The following ZBTB7A variants were observed in gnomAD, a reference collection of about 807,000 sequenced individuals.
ZBTB7A encodes the protein zinc finger and BTB domain containing 7A.
A neutral mutation model predicts 26.7 loss-of-function variants in ZBTB7A; 7 were observed. That is an observed-to-expected ratio of 0.26 (90% CI 0.15 to 0.49). The LOEUF is 0.49. ZBTB7A is among the 20% of genes least tolerant of loss of function. The pLI, the probability that ZBTB7A is intolerant of heterozygous loss-of-function variation, is 0.98. For synonymous variants in ZBTB7A, 452 were observed against 441.0 expected, an observed-to-expected ratio of 1.02 and a Z score of -0.31; for missense variants, 617 against 919.5, an observed-to-expected ratio of 0.67 and a Z score of 4.25.
At position 4,054,247 on chromosome 19, in the gene ZBTB7A, C is replaced by T. The variant is rs767359119; in HGVS notation, c.986G>A (p.Arg329Gln). The change falls in exon 2 of 3, where the codon CGG (arginine) becomes CAG (glutamine). Residue 329 changes from arginine (R) to glutamine (Q), a missense_variant. By Grantham distance (43) the Arg-to-Gln change is conservative (BLOSUM62 1). Around this residue, in one of 5 missense-constraint regions of ZBTB7A, gnomAD observed 331 missense variants for 391.3 expected, o/e 0.85. Coordinates refer to ENST00000322357, the MANE Select transcript of ZBTB7A (RefSeq NM_015898.4). ...GCTGTCCCCCGCCGCGGCCCCCGCC[C>T]GGCCCACCGATGACATCATCTGCTG... ...LLQQMMSSVG[R>Q]AGAAAGDSDE... is the part of the protein sequence containing the mutation. 8 of 1,577,810 alleles carry T rather than the reference C, an allele frequency of 5.1e-6. No homozygotes were observed. The highest frequency in any genetic ancestry group is 2.3e-5 in the East Asian group (1 of 44,160).
intron 2 of ZBTB7A, among the ~76,000 whole-genome samples, chr19:4,051,096 CAAAAAAA>C (rs71166952): frequency 1.6e-4 from 7 of 42,426 alleles, no homozygotes; most frequent in Admixed American, 4.1e-4. Flanking sequence ...AGACTCGTCT[CAAAAAAA>C]AAAAAAAAAA....
intron 1 of ZBTB7A, chr19:4,062,828 A>C (rs1274429615): frequency 6.6e-6 from 1 of 152,348 alleles, no homozygotes; most frequent in African/African-American, 2.4e-5. Context: ...GACACAGTGC[A>C]CAGTAGTCGC....
intron 2 of ZBTB7A, among the ~76,000 whole-genome samples, chr19:4,053,484 CATCT>C (rs1349032316): frequency 8.0e-4 from 114 of 142,852 alleles, no homozygotes; most frequent in African/African-American, 2.5e-3. Context: ...GGTGCGTGTG[CATCT>C]GTGTGCGTGC....
chr19:4,054,388 G>T lies in ZBTB7A; in HGVS notation c.845C>A (p.Ser282Ter), dbSNP rs924784188. Residue 282 changes from serine (S) to a stop codon, truncating the protein, a stop_gained, in exon 2 of 3, where the codon TCG becomes TAG. Transcript: ENST00000322357. LOFTEE classifies it high-confidence loss of function. The part of the protein sequence containing the change: ...YGRGGEEEAA[S>*]LSEAAPEPGD... ...CGGCTCGGGGGCCGCCTCCGACAGCGAGGCGGCCTCCTCCTCTCCGCCGCG... is the reference window on the plus strand; with the variant it reads ...CGGCTCGGGGGCCGCCTCCGACAGCTAGGCGGCCTCCTCCTCTCCGCCGCG... 2 of 1,417,922 alleles carry T rather than the reference G, an allele frequency of 1.4e-6. No individual in the cohort carries two copies. Among genetic ancestry groups the T allele is most frequent in the Admixed American group, 3.5e-5 (1 of 28,906 alleles). The allele number at this position is 1,417,922 out of a possible 1,614,324, so 87.8% of individuals were successfully genotyped here.
intron 1 of ZBTB7A, among the ~76,000 whole-genome samples, chr19:4,064,895 C>T (rs2040676126): frequency 6.6e-6 from 1 of 152,024 alleles, no homozygotes; most frequent in Non-Finnish European, 1.5e-5. Context: ...GTGTCCGGGC[C>T]CGGGTGGACA....
At position 4,054,989 on chromosome 19, in the gene ZBTB7A, C is replaced by T; in HGVS notation, c.244G>A (p.Ala82Thr). 1 of 1,611,896 alleles carries T rather than the reference C, an allele frequency of 6.2e-7. No individual in the cohort carries two copies. Among genetic ancestry groups the T allele is most frequent in the African/African-American group, 1.3e-5 (1 of 75,018 alleles). ...TCCATGAGCGCGGTGAGCGCCTCGG[C>T]GCTGACGAAGTCGATCTCGTACACG... is the stretch of plus-strand genomic sequence containing the variant. ...QNVYEIDFVS[A>T]EALTALMDFA... is the part of the protein sequence containing the mutation. Residue 82 changes from alanine (A) to threonine (T), a missense_variant, in exon 2 of 3, where the codon GCC becomes ACC. By Grantham distance (58) the Ala-to-Thr change is moderately conservative (BLOSUM62 0). Coordinates refer to ENST00000322357, the MANE Select transcript of ZBTB7A (RefSeq NM_015898.4).
At position 4,044,706 on chromosome 19, in the gene ZBTB7A, C is replaced by A. The variant is rs1599242904; in HGVS notation, c.*3046G>T. 1 of 136,006 alleles carries A rather than the reference C, an allele frequency of 7.4e-6. No individual in the cohort carries two copies. The highest frequency in any genetic ancestry group is 1.6e-5 in the Non-Finnish European group (1 of 64,066). 8.4% of individuals were successfully genotyped at this position (136,006 alleles called of 1,614,324 possible). ...TTTCTCTTTTTTTTTTTGTACCAGG[C>A]AGTTAAAAAAAAAACACCCCAAAAA... On this transcript the variant is annotated 3_prime_UTR_variant, in exon 3 of 3. Coordinates refer to ENST00000322357, the MANE Select transcript of ZBTB7A (RefSeq NM_015898.4).
Position 4,054,218 on chromosome 19 carries a change from C to T in ZBTB7A, c.1015G>A (p.Glu339Lys). ...CCCTTGTCGTCGGCCCGCGACTCCT[C>T]GTCGCTGTCCCCCGCCGCGGCCCCC... is the stretch of plus-strand genomic sequence containing the variant. The part of the protein sequence containing the change: ...RAGAAAGDSD[E>K]ESRADDKGVM... The change falls in exon 2 of 3, where the codon GAG (glutamate) becomes AAG (lysine). Residue 339 changes from glutamate (E) to lysine (K), a missense_variant. Coordinates refer to ENST00000322357, the MANE Select transcript of ZBTB7A (RefSeq NM_015898.4). 2 of 1,585,978 alleles carry T rather than the reference C, an allele frequency of 1.3e-6. No homozygotes were observed. The highest frequency in any genetic ancestry group is 1.7e-6 in the Non-Finnish European group (2 of 1,172,288).
chr19:4,047,943 C>G lies in ZBTB7A; in HGVS notation c.1564G>C (p.Ala522Pro). ...CGGGCGTCGGGGGAGCTGGGCTGGGCGGGGGCGCCGGGGGTCGCGGTGGCC... is the reference window on the plus strand; with the variant it reads ...CGGGCGTCGGGGGAGCTGGGCTGGGGGGGGGCGCCGGGGGTCGCGGTGGCC... The part of the protein sequence containing the change: ...PGATATPGAP[A>P]QPSSPDARRN... Residue 522 changes from alanine (A) to proline (P), a missense_variant, in exon 3 of 3, where the codon GCC becomes CCC. By Grantham distance (27) the Ala-to-Pro change is conservative. Around this residue, in one of 5 missense-constraint regions of ZBTB7A, gnomAD observed 136 missense variants for 126.6 expected, o/e 1.07. Transcript: ENST00000322357. 7.9e-7 allele frequency: 1 copy of G among 1,258,094 alleles called. No individual in the cohort carries two copies. The highest frequency in any genetic ancestry group is 1.0e-6 in the Non-Finnish European group (1 of 967,306). 77.9% of individuals were successfully genotyped at this position (1,258,094 alleles called of 1,614,324 possible). A position where few individuals can be genotyped will look rare whatever the true frequency, so the allele number is the denominator to read the frequency against.
intron 1 of ZBTB7A, among the ~76,000 whole-genome samples, chr19:4,058,394 G>C (rs778176668): frequency 3.3e-4 from 50 of 152,182 alleles, no homozygotes; most frequent in Non-Finnish European, 6.6e-4. Context: ...TTCGGGCAGC[G>C]CCGGGCCCTG....
At position 4,058,596 on chromosome 19, in the gene ZBTB7A, G is replaced by C. The variant is rs542698917; in HGVS notation, c.-15-3349C>G. ...TCACATTCCTCCAGGCCGGCCGGTGGCTCTCGGGCCAGAGCCCCTGGGCAA... is the reference window on the plus strand; with the variant it reads ...TCACATTCCTCCAGGCCGGCCGGTGCCTCTCGGGCCAGAGCCCCTGGGCAA... On this transcript the variant is annotated intron_variant, in intron 1 of 2. Coordinates refer to ENST00000322357, the MANE Select transcript of ZBTB7A (RefSeq NM_015898.4). 1.2e-3 allele frequency among the ~76,000 whole-genome samples: 188 copies of C among 152,278 alleles called. 1 individual carries two copies. The highest frequency in any genetic ancestry group is 0.011 in the Admixed American group (161 of 15,308).
At chr19:4,058,388 G>A (rs925359463) in intron 1 of ZBTB7A, among the ~76,000 whole-genome samples, 1 of 152,216 alleles carries the variant, frequency 6.6e-6, no homozygotes, top group Non-Finnish European at 1.5e-5. Context: ...AGAGGTTTCG[G>A]GCAGCGCCGG....
chr19:4,050,057 G>A (rs2040483083), intron 2 of ZBTB7A, among the ~76,000 whole-genome samples: 1 of 152,122 alleles, frequency 6.6e-6, no homozygotes, highest in Non-Finnish European at 1.5e-5. Context: ...CCAAGTAGCT[G>A]GGATTACAGG....
At chr19:4,058,612 C>A (rs938935371) in intron 1 of ZBTB7A, among the ~76,000 whole-genome samples, 4 of 152,186 alleles carry the variant, frequency 2.6e-5, no homozygotes, top group Non-Finnish European at 5.9e-5. Flanking sequence ...GGGCCAGAGC[C>A]CCTGGGCAAG....
At position 4,047,672 on chromosome 19, in the gene ZBTB7A, T is replaced by G; in HGVS notation, c.*80A>C. The G allele has an allele frequency of 4.7e-6, 7 of 1,480,640 alleles. No individual in the cohort carries two copies. The highest frequency in any genetic ancestry group is 4.9e-5 in the East Asian group (2 of 40,468). 91.7% of individuals were successfully genotyped at this position (1,480,640 alleles called of 1,614,324 possible). A position where few individuals can be genotyped will look rare whatever the true frequency, so the allele number is the denominator to read the frequency against. On this transcript the variant is annotated 3_prime_UTR_variant, in exon 3 of 3. Transcript: ENST00000322357. ...ATAGATAGATTTTCTTTTTTTGTGT[T>G]TTTGGGGGGGTGGTGGGTGATTTTT...
At chr19:4,056,782 G>A (rs980544857) in intron 1 of ZBTB7A, among the ~76,000 whole-genome samples, 23 of 152,026 alleles carry the variant, frequency 1.5e-4, no homozygotes, top group African/African-American at 4.8e-4. Context: ...CGGGAGAATC[G>A]CTTGAACCTG....
Position 4,054,302 on chromosome 19 carries a change from C to T in ZBTB7A, c.931G>A (p.Val311Met), listed in dbSNP as rs1386543525. Residue 311 changes from valine (V) to methionine (M), a missense_variant, in exon 2 of 3, where the codon GTG becomes ATG. Coordinates refer to ENST00000322357, the MANE Select transcript of ZBTB7A (RefSeq NM_015898.4). ...AGCGTGCTGGCCGCCAGCCCGTCCA[C>T]GTCGGGCCCGTCCCCGTCCTCGCCC... ...AEGEDGDGPD[V>M]DGLAASTLLQ... The T allele has an allele frequency of 5.9e-6, 9 of 1,533,854 alleles. No individual in the cohort carries two copies. The highest frequency in any genetic ancestry group is 2.5e-5 in the East Asian group (1 of 40,676).
rs1396362012 is a variant in ZBTB7A, at chr19:4,049,212, A to ATATATATAT, written c.1263-969_1263-968insATATATATA. ...TATATATATATATATATATATATGT[A>ATATATATAT]AGTTTGAGAGATGGGGGTTGAGCTA... On this transcript the variant is annotated intron_variant, in intron 2 of 2. Transcript: ENST00000322357. 5.8e-3 allele frequency among the ~76,000 whole-genome samples: 134 copies of ATATATATAT among 23,168 alleles called. 22 individuals are homozygous for ATATATATAT. Among genetic ancestry groups the ATATATATAT allele is most frequent in the East Asian group, 0.049 (4 of 82 alleles). The allele number at this position is 23,168 out of a possible 152,430, so 15.2% of individuals were successfully genotyped here.
rs1022014772 is a variant in ZBTB7A, at chr19:4,044,594, G to T, written c.*3158C>A. The T allele has an allele frequency of 2.7e-5, 3 of 112,822 alleles. No individual in the cohort carries two copies. The highest frequency in any genetic ancestry group is 5.3e-5 in the Non-Finnish European group (3 of 56,384). 7.0% of individuals were successfully genotyped at this position (112,822 alleles called of 1,614,324 possible). A position where few individuals can be genotyped will look rare whatever the true frequency, so the allele number is the denominator to read the frequency against. On this transcript the variant is annotated 3_prime_UTR_variant, in exon 3 of 3. Coordinates refer to ENST00000322357, the MANE Select transcript of ZBTB7A (RefSeq NM_015898.4). ...CAACCCCAGCCTGGACCTCACTCCC[G>T]CTCTCTTGCACACACGCACACACGC...
Sources: gnomAD v4.1 joint callset for allele counts (sites outside exome capture counted in the v4.1 genomes callset) on GRCh38, gnomAD v4.1.1 for gene constraint, gnomAD v4.1.1 regional missense constraint, MANE v1.5 for transcripts, NCBI Gene and HGNC (gene_info 2026-07-23, HGNC 2026-07-21) for gene names.